The following SH3RF3 variants were observed in gnomAD, a reference collection of about 807,000 sequenced individuals.
SH3RF3 encodes the protein SH3 domain containing ring finger 3.
SH3RF3 carries 29 observed loss-of-function variants against 66.3 expected under a neutral mutation model. That is an observed-to-expected ratio of 0.44 (90% CI 0.33 to 0.60). The LOEUF (loss-of-function observed/expected upper bound fraction) is 0.60. SH3RF3 is among the 20% of genes least tolerant of loss of function. The probability of loss-of-function intolerance (pLI) is 0.04; values close to 1 mark genes in which losing one functional copy is unlikely to be tolerated. For missense variants in SH3RF3, 1,194 were observed against 1,190.9 expected, an observed-to-expected ratio of 1.00 and a Z score of -0.04; for synonymous variants, 583 against 532.0, an observed-to-expected ratio of 1.10 and a Z score of -1.32.
At chr2:109,470,117 T>C (rs964828599) in intron 8 of SH3RF3, among the ~76,000 whole-genome samples, 1 of 152,224 alleles carries the variant, frequency 6.6e-6, no homozygotes, top group African/African-American at 2.4e-5. Context: ...CAAAGCCACC[T>C]TCTCAACTAC....
At chr2:109,481,939 C>G (rs1409144400) in intron 8 of SH3RF3, among the ~76,000 whole-genome samples, 1 of 152,210 alleles carries the variant, frequency 6.6e-6, no homozygotes, top group Admixed American at 6.5e-5. Context: ...ATGTGAATGC[C>G]TCTGTGCTCC....
chr2:109,267,888 A>G (rs1405738774), intron 1 of SH3RF3, among the ~76,000 whole-genome samples: 1 of 150,642 alleles, frequency 6.6e-6, no homozygotes, highest in African/African-American at 2.4e-5. Context: ...GAGGGGAGAA[A>G]GGAGCTGCTG....
At chr2:109,480,461 T>C (rs979385805) in intron 8 of SH3RF3, among the ~76,000 whole-genome samples, 5 of 151,208 alleles carry the variant, frequency 3.3e-5, no homozygotes, top group Admixed American at 2.6e-4. Context: ...AGGAGAGGAG[T>C]CCAGATGCCA....
rs1677836539 is a variant in SH3RF3, at chr2:109,173,435, CAT to C, written c.573+43324_573+43325del. Among the ~76,000 whole-genome samples the C allele has an allele frequency of 2.0e-5, 3 of 152,188 alleles. No individual in the cohort carries two copies. In the South Asian group the frequency reaches 6.2e-4, roughly 32 times the overall value. On this transcript the variant is annotated intron_variant, in intron 1 of 9. Coordinates refer to ENST00000309415, the MANE Select transcript of SH3RF3 (RefSeq NM_001099289.3). ...GGTTTGGAAGAATTCGGATAAATGA[CAT>C]AGTTCTTCATTGCCTCTCCAGTTGA...
intron 1 of SH3RF3, among the ~76,000 whole-genome samples, chr2:109,317,221 C>A (rs1053840407): frequency 6.6e-6 from 1 of 152,070 alleles, no homozygotes; most frequent in East Asian, 1.9e-4. Context: ...AGCTTACCTC[C>A]CACCCGGATG....
intron 1 of SH3RF3, among the ~76,000 whole-genome samples, chr2:109,242,194 C>T (rs1679800487): frequency 6.6e-6 from 1 of 152,146 alleles, no homozygotes; most frequent in East Asian, 1.9e-4. Context: ...CTTAGGTGGC[C>T]CCTTTTCCTG....
intron 1 of SH3RF3, among the ~76,000 whole-genome samples, chr2:109,153,176 T>C (rs532800441): frequency 3.0e-4 from 45 of 152,340 alleles, no homozygotes; most frequent in Admixed American, 2.7e-3. Flanking sequence ...TCTAAACTTA[T>C]GCACTGCAGC....
chr2:109,265,852 G>C (rs1451469858), intron 1 of SH3RF3, among the ~76,000 whole-genome samples: 1 of 152,214 alleles, frequency 6.6e-6, no homozygotes, highest in Admixed American at 6.5e-5. Flanking sequence ...CAAGGGGGTG[G>C]ACACCACTGA....
At chr2:109,253,910 G>T (rs1680155308) in intron 1 of SH3RF3, among the ~76,000 whole-genome samples, 1 of 152,106 alleles carries the variant, frequency 6.6e-6, no homozygotes, top group Non-Finnish European at 1.5e-5. Context: ...CTTTCTAAAA[G>T]CATGGAAGTC....
At chr2:109,329,011 A>T (rs1682223873) in intron 1 of SH3RF3, among the ~76,000 whole-genome samples, 1 of 151,922 alleles carries the variant, frequency 6.6e-6, no homozygotes, top group South Asian at 2.1e-4. Context: ...TTCTTGAGGA[A>T]TTGGCCATGT....
intron 1 of SH3RF3, among the ~76,000 whole-genome samples, chr2:109,177,744 C>T (rs1467165021): frequency 6.6e-6 from 1 of 152,118 alleles, no homozygotes; most frequent in African/African-American, 2.4e-5. Context: ...TGCTAAGAAC[C>T]CCCTTCAACT....
At chr2:109,288,818 A>G (rs1236193550) in intron 1 of SH3RF3, among the ~76,000 whole-genome samples, 1 of 151,938 alleles carries the variant, frequency 6.6e-6, no homozygotes, top group African/African-American at 2.4e-5. Flanking sequence ...TCACTTTCTT[A>G]TTTAGTAGCT....
At chr2:109,349,764 C>T (rs899328218) in intron 2 of SH3RF3, among the ~76,000 whole-genome samples, 1 of 152,226 alleles carries the variant, frequency 6.6e-6, no homozygotes, top group Non-Finnish European at 1.5e-5. Context: ...TCTGGGTAGG[C>T]CTGCTTCTCT....
chr2:109,147,135 C>A (rs1677119058), intron 1 of SH3RF3, among the ~76,000 whole-genome samples: 1 of 152,064 alleles, frequency 6.6e-6, no homozygotes, highest in South Asian at 2.1e-4. Context: ...GGGTGGGTTT[C>A]TTTTTGTCCA....
intron 3 of SH3RF3, among the ~76,000 whole-genome samples, chr2:109,383,723 T>A (rs1464417422): frequency 6.6e-6 from 1 of 152,218 alleles, no homozygotes; most frequent in African/African-American, 2.4e-5. Context: ...AGCTCAGAGC[T>A]ACTCTCTGTT....
intron 5 of SH3RF3, among the ~76,000 whole-genome samples, chr2:109,420,674 T>C (rs973330797): frequency 4.6e-5 from 7 of 152,190 alleles, no homozygotes; most frequent in African/African-American, 1.4e-4. Context: ...CTCGATCTCC[T>C]GATCTCGTGA....
At chr2:109,402,064 C>T (rs73955575) in intron 4 of SH3RF3, among the ~76,000 whole-genome samples, 4,676 of 152,266 alleles carry the variant, frequency 0.031, 241 homozygotes, top group African/African-American at 0.1. Context: ...ATCGAGCTGC[C>T]GGGAGACAGA....
intron 1 of SH3RF3, among the ~76,000 whole-genome samples, chr2:109,244,212 G>T (rs1679856650): frequency 6.6e-6 from 1 of 152,164 alleles, no homozygotes. Flanking sequence ...TCTAATCCGA[G>T]CTGGAGATAA....
chr2:109,458,915 T>C (rs1481510422), intron 8 of SH3RF3, among the ~76,000 whole-genome samples: 6 of 152,346 alleles, frequency 3.9e-5, no homozygotes, highest in African/African-American at 1.2e-4. Context: ...GGTACCTGCC[T>C]AGCCACACTG....
Sources: gnomAD v4.1 joint callset for allele counts (sites outside exome capture counted in the v4.1 genomes callset) on GRCh38, gnomAD v4.1.1 for gene constraint, MANE v1.5 for transcripts, NCBI Gene and HGNC (gene_info 2026-07-23, HGNC 2026-07-21) for gene names.